ZBTB38: variants seen among roughly 807,000 people sequenced by gnomAD.
ZBTB38 encodes zinc finger and BTB domain-containing protein 38.
Under a neutral mutation model 76.8 loss-of-function variants are expected in ZBTB38, and 20 were observed. The ratio of observed to expected loss-of-function variants is 0.26; its 90% CI spans 0.18 to 0.38. The LOEUF (loss-of-function observed/expected upper bound fraction) is 0.38, where lower values mean the gene tolerates loss of function less well. Ranked by LOEUF, ZBTB38 falls within the 10% of genes least tolerant of loss-of-function variation. The pLI, the probability that ZBTB38 is intolerant of heterozygous loss-of-function variation, is 1.00. For synonymous variants in ZBTB38, 504 were observed against 544.2 expected (o/e 0.93, Z 1.03); for missense variants, 1,082 against 1,482.3 (o/e 0.73, Z 4.43).
At chr3:141,402,102 C>G (rs1047007001) in intron 4 of ZBTB38, among the ~76,000 whole-genome samples, 6 of 152,228 alleles carry the variant, frequency 3.9e-5, no homozygotes, top group African/African-American at 1.2e-4. Flanking sequence ...TGTGTCCTCC[C>G]TGAGGAGGCT....
intron 4 of ZBTB38, among the ~76,000 whole-genome samples, chr3:141,391,575 A>G (rs1287055145): frequency 6.6e-6 from 1 of 152,234 alleles, no homozygotes; most frequent in Non-Finnish European, 1.5e-5. Context: ...GGTAGAGTAC[A>G]TTGCAGTGCT....
At chr3:141,371,532 G>A (rs1380272206) in intron 2 of ZBTB38, among the ~76,000 whole-genome samples, 1 of 151,854 alleles carries the variant, frequency 6.6e-6, no homozygotes, top group Non-Finnish European at 1.5e-5. Context: ...TAGAAACAAG[G>A]TTTCACCATG....
At position 141,443,241 on chromosome 3, in the gene ZBTB38, C is replaced by G; in HGVS notation, c.853C>G (p.Pro285Ala). 1.2e-6 allele frequency: 2 copies of G among 1,614,252 alleles called. No homozygotes were observed. The highest frequency in any genetic ancestry group is 1.7e-6 in the Non-Finnish European group (2 of 1,180,048). ...TTCAGCCACAGAAAATATACCACCC[C>G]CTCCAGTATCCAACTTAGAGGTTAA... The part of the protein sequence containing the change: ...SDSATENIPP[P>A]PVSNLEVNQE... Residue 285 changes from proline to alanine, a missense_variant, in exon 6 of 6, where the codon CCT becomes GCT. By Grantham distance (27) the Pro-to-Ala change is conservative. Coordinates refer to ENST00000321464, the MANE Select transcript of ZBTB38 (RefSeq NM_001376113.1). This position sits in a 1 kb window ranked among gnomAD's most constrained non-coding sequence, Gnocchi z 5.6.
At position 141,443,439 on chromosome 3, in the gene ZBTB38, T is replaced by A; in HGVS notation, c.1051T>A (p.Phe351Ile). 1 of 1,614,208 alleles carries A rather than the reference T, an allele frequency of 6.2e-7. No individual in the cohort carries two copies. Among genetic ancestry groups the A allele is most frequent in the Non-Finnish European group, 8.5e-7 (1 of 1,180,034 alleles). Reference protein sequence around the residue: ...VYNCSCCSKAFDSSTLLSAHM... With the variant: ...VYNCSCCSKAIDSSTLLSAHM... ...CAATTGTAGCTGCTGTTCCAAAGCC[T>A]TTGACAGCAGCACTCTGCTCAGTGC... The change falls in exon 6 of 6, where the codon TTT (phenylalanine) becomes ATT (isoleucine). Residue 351 changes from phenylalanine (F) to isoleucine (I), a missense_variant. By Grantham distance (21) the Phe-to-Ile change is conservative. Coordinates refer to ENST00000321464, the MANE Select transcript of ZBTB38 (RefSeq NM_001376113.1). The surrounding 1 kb of genome is among the most constrained non-coding windows in gnomAD (Gnocchi z 5.6).
At chr3:141,347,669 A>G (rs904111365) in intron 1 of ZBTB38, among the ~76,000 whole-genome samples, 6 of 152,194 alleles carry the variant, frequency 3.9e-5, no homozygotes, top group Non-Finnish European at 8.8e-5. Flanking sequence ...GAAGGAAAAG[A>G]CCAGGGTTTC....
chr3:141,419,015 T>C (rs1268641655), intron 5 of ZBTB38, among the ~76,000 whole-genome samples: 1 of 152,220 alleles, frequency 6.6e-6, no homozygotes. Flanking sequence ...TTCACACTGC[T>C]GTAAAGAGCT....
At chr3:141,399,127 CT>C (rs34466132) in intron 4 of ZBTB38, among the ~76,000 whole-genome samples, 127 of 145,112 alleles carry the variant, frequency 8.8e-4, no homozygotes, top group South Asian at 3.7e-3. Context: ...ATTTATATTC[CT>C]TTTTTTTTTT....
At position 141,346,782 on chromosome 3, in the gene ZBTB38, T is replaced by TTGTGTGTGTGTGTGTGTG. The variant is rs56345431; in HGVS notation, c.-738-21822_-738-21805dup. Among the ~76,000 whole-genome samples, 107 of 144,684 alleles carry TTGTGTGTGTGTGTGTGTG rather than the reference T, an allele frequency of 7.4e-4. 1 individual carries two copies. Among genetic ancestry groups the TTGTGTGTGTGTGTGTGTG allele is most frequent in the African/African-American group, 2.4e-3 (94 of 38,926 alleles). The allele number at this position is 144,684 out of a possible 152,430, so 94.9% of individuals were successfully genotyped here. ...ACTCTCCGAGGTTTTTTGTTTTGTT[T>TTGTGTGTGTGTGTGTGTG]TGTGTGTGTGTGTGTGTGTGTGTGT... On this transcript the variant is annotated intron_variant, in intron 1 of 7. Transcript: ENST00000509842.
At position 141,340,853 on chromosome 3, in the gene ZBTB38, C is replaced by T. The variant is rs150562838; in HGVS notation, c.-739+16397C>T. On this transcript the variant is annotated intron_variant, in intron 1 of 7. Coordinates refer to the ZBTB38 transcript ENST00000509842. Reference sequence around the variant, plus strand: ...TGGAGGTTGCAGTGAGCTAAGATTGCGCAACTGCACTCCAGCCTGGGCGAC... The same window carrying T: ...TGGAGGTTGCAGTGAGCTAAGATTGTGCAACTGCACTCCAGCCTGGGCGAC... 5.5e-3 allele frequency among the ~76,000 whole-genome samples: 818 copies of T among 147,550 alleles called. 10 individuals carry two copies. Among genetic ancestry groups the T allele is most frequent in the African/African-American group, 0.019 (765 of 39,516 alleles).
chr3:141,411,065 T>C (rs1439645480), intron 5 of ZBTB38, among the ~76,000 whole-genome samples: 1 of 152,212 alleles, frequency 6.6e-6, no homozygotes, highest in Non-Finnish European at 1.5e-5. Context: ...GTTTTATTTA[T>C]GTTATTTTTC....
rs1467704242 is a variant in ZBTB38 at position 141,447,534 on chromosome 3, G to GGA, written c.*1565_*1566dup. The GGA allele has an allele frequency of 6.6e-6, 1 of 152,598 alleles. No individual in the cohort carries two copies. The highest frequency in any genetic ancestry group is 2.4e-5 in the African/African-American group (1 of 41,426). The allele number at this position is 152,598 out of a possible 1,614,324, so 9.5% of individuals were successfully genotyped here. ...CTTTTTCAAACTGCCAGAATAGAAG[G>GGA]GAGAGAGAAAACATTTCTACCCTTT... On this transcript the variant is annotated 3_prime_UTR_variant, in exon 6 of 6. Coordinates refer to ENST00000321464, the MANE Select transcript of ZBTB38 (RefSeq NM_001376113.1).
intron 4 of ZBTB38, among the ~76,000 whole-genome samples, chr3:141,398,222 A>G (rs1280892958): frequency 1.3e-5 from 2 of 151,880 alleles, no homozygotes; most frequent in African/African-American, 2.4e-5. Context: ...CTGGGGCCCT[A>G]TTGGCCAGAT....
intron 1 of ZBTB38, among the ~76,000 whole-genome samples, chr3:141,353,241 T>G (rs1943571348): frequency 6.6e-6 from 1 of 152,006 alleles, no homozygotes; most frequent in South Asian, 2.1e-4. Flanking sequence ...GCCTCCTCTT[T>G]CTTTCTCTCC....
chr3:141,417,411 A>C (rs1237405110), intron 5 of ZBTB38, among the ~76,000 whole-genome samples: 2 of 152,092 alleles, frequency 1.3e-5, no homozygotes, highest in Non-Finnish European at 2.9e-5. Flanking sequence ...CCACCTCCCA[A>C]ACCAGCTCTT....
intron 5 of ZBTB38, among the ~76,000 whole-genome samples, chr3:141,422,166 C>T (rs2075532328): frequency 6.6e-6 from 1 of 152,246 alleles, no homozygotes; most frequent in Non-Finnish European, 1.5e-5. Flanking sequence ...GCAGGCTCAG[C>T]AATGCAGAAA....
At chr3:141,347,626 G>T (rs1025247756) in intron 1 of ZBTB38, among the ~76,000 whole-genome samples, 1 of 152,190 alleles carries the variant, frequency 6.6e-6, no homozygotes, top group Non-Finnish European at 1.5e-5. Flanking sequence ...CTCCGGCTGG[G>T]CTCAGCCAAT....
intron 5 of ZBTB38, among the ~76,000 whole-genome samples, chr3:141,415,483 C>G (rs749555046): frequency 2.0e-5 from 3 of 152,016 alleles, no homozygotes; most frequent in Admixed American, 1.3e-4. Context: ...TCTGGGAGTC[C>G]GTTAGAAATA....
chr3:141,378,656 A>G (rs1419945895), intron 2 of ZBTB38, among the ~76,000 whole-genome samples: 1 of 152,214 alleles, frequency 6.6e-6, no homozygotes, highest in East Asian at 1.9e-4. Flanking sequence ...CTTTATGAGC[A>G]ACTCCTACTA....
At chr3:141,433,988 G>C in intron 5 of ZBTB38, 1 of 155,902 alleles carries the variant, frequency 6.4e-6, no homozygotes, top group Non-Finnish European at 1.4e-5. Flanking sequence ...CTTTCTCAAG[G>C]CCGCTCTCTA....
Sources: allele counts gnomAD v4.1 joint callset (sites outside exome capture counted in the v4.1 genomes callset), GRCh38; gene constraint gnomAD v4.1.1; non-coding constraint Gnocchi (gnomAD v3.1); transcripts MANE v1.5; gene names NCBI Gene and HGNC (gene_info 2026-07-23, HGNC 2026-07-21).